MEMO1: variants seen among roughly 807,000 people sequenced by gnomAD.
MEMO1 encodes protein MEMO1.
A neutral mutation model predicts 45.2 loss-of-function variants in MEMO1; 6 were observed. The ratio of observed to expected loss-of-function variants is 0.13; its 90% CI spans 0.07 to 0.26. The LOEUF (loss-of-function observed/expected upper bound fraction) is 0.26. Among genes scored for constraint, MEMO1 ranks in the 10% least tolerant of loss-of-function variants. The pLI, the probability that MEMO1 is intolerant of heterozygous loss-of-function variation, is 1.00. For synonymous variants in MEMO1, 78 were observed against 124.3 expected (o/e 0.63, Z 2.48); for missense variants, 184 against 370.5 (o/e 0.50, Z 4.13).
intron 8 of MEMO1, among the ~76,000 whole-genome samples, chr2:31,873,476 G>A (rs1307814613): frequency 6.6e-6 from 1 of 152,016 alleles, no homozygotes; most frequent in Non-Finnish European, 1.5e-5. Context: ...AACTAAATAG[G>A]CAGTATTAAC....
chr2:31,977,588 A>T (rs1425218516), intron 2 of MEMO1, among the ~76,000 whole-genome samples: 1 of 152,114 alleles, frequency 6.6e-6, no homozygotes, highest in East Asian at 1.9e-4. Flanking sequence ...ATCTCAGCTC[A>T]CCACAACCTC....
chr2:31,896,112 G>A (rs1274483332), intron 6 of MEMO1, among the ~76,000 whole-genome samples: 2 of 151,998 alleles, frequency 1.3e-5, no homozygotes, highest in Non-Finnish European at 2.9e-5. Context: ...CAAAGTGCTG[G>A]GATTACAGGC....
chr2:31,907,690 C>T (rs554597272), intron 6 of MEMO1, among the ~76,000 whole-genome samples: 1 of 151,784 alleles, frequency 6.6e-6, no homozygotes, highest in East Asian at 1.9e-4. Context: ...CTATTTGGAA[C>T]GCTGAGGTAG....
At chr2:31,917,740 G>C (rs966658830) in intron 6 of MEMO1, among the ~76,000 whole-genome samples, 186 bp downstream of exon 6, 1 of 152,110 alleles carries the variant, frequency 6.6e-6, no homozygotes, top group Non-Finnish European at 1.5e-5. Flanking sequence ...ATGTCAATTC[G>C]TATGTTCAGC....
chr2:31,992,435 T>C (rs752948559), intron 2 of MEMO1, among the ~76,000 whole-genome samples: 25 of 152,170 alleles, frequency 1.6e-4, no homozygotes, highest in African/African-American at 3.6e-4. Context: ...TGGGTTCATA[T>C]CTCAAATCTC....
intron 7 of MEMO1, among the ~76,000 whole-genome samples, chr2:31,886,256 G>A (rs1558477334): frequency 6.6e-6 from 1 of 152,140 alleles, no homozygotes. Context: ...TATTTTAGTT[G>A]CAACAGCTCA....
intron 2 of MEMO1, among the ~76,000 whole-genome samples, chr2:31,993,995 C>A (rs1229272830): frequency 9.7e-6 from 1 of 103,426 alleles, no homozygotes; most frequent in African/African-American, 3.8e-5. Flanking sequence ...GAGTCTTGCT[C>A]TGTCGCCCAG....
intron 9 of MEMO1, among the ~76,000 whole-genome samples, chr2:31,868,715 A>G (rs1348542714): frequency 1.3e-5 from 2 of 152,200 alleles, no homozygotes; most frequent in African/African-American, 2.4e-5. Flanking sequence ...ATAATTAAGT[A>G]TCAGTCATCA....
At chr2:31,978,542 C>A (rs556758329) in intron 2 of MEMO1, among the ~76,000 whole-genome samples, 48 of 152,342 alleles carry the variant, frequency 3.2e-4, no homozygotes, top group Middle Eastern at 3.4e-3. Flanking sequence ...ACACAATCCT[C>A]CCACCTCGGC....
At chr2:31,970,634 CAAAA>C (rs1403884555) in intron 2 of MEMO1, among the ~76,000 whole-genome samples, 1 of 130,814 alleles carries the variant, frequency 7.6e-6, no homozygotes, top group African/African-American at 2.8e-5. Flanking sequence ...CAGGATGAAG[CAAAA>C]AAAAAAAAGC....
At chr2:31,975,317 C>G (rs1388767115) in intron 2 of MEMO1, among the ~76,000 whole-genome samples, 1 of 152,218 alleles carries the variant, frequency 6.6e-6, no homozygotes, top group Non-Finnish European at 1.5e-5. Flanking sequence ...TATGCATTCT[C>G]CTGAGACAAA....
At chr2:31,901,983 TG>T (rs1448436485) in intron 6 of MEMO1, among the ~76,000 whole-genome samples, 1 of 151,780 alleles carries the variant, frequency 6.6e-6, no homozygotes, top group African/African-American at 2.4e-5. Context: ...AAAAAAACAT[TG>T]AGTTGAGACC....
rs757884120 is a variant in MEMO1, at chr2:31,917,991, C to T, written c.372G>A (p.Leu124=). 6.9e-5 allele frequency: 111 copies of T among 1,611,444 alleles called. No individual in the cohort carries two copies. Among genetic ancestry groups the T allele is most frequent in the Non-Finnish European group, 9.1e-5 (107 of 1,179,352 alleles). ...TACTGTGTTCATCTTCATCTGTCTG[C>T]AGAGACATGCGTTCAAACATTCCTG... The part of the protein sequence containing the change: ...WKTGMFERMS[L]QTDEDEHSIE... The change falls in exon 6 of 10, where the codon CTG becomes CTA. Residue 124 remains leucine, a synonymous_variant. Transcript: ENST00000404530.
intron 7 of MEMO1, among the ~76,000 whole-genome samples, chr2:31,886,287 T>A (rs778567134): frequency 1.3e-5 from 2 of 152,218 alleles, no homozygotes; most frequent in African/African-American, 2.4e-5. Context: ...TGGTAATTTT[T>A]AAAAATTATA....
chr2:31,928,500 T>A (rs571791725), intron 4 of MEMO1, among the ~76,000 whole-genome samples: 7 of 147,886 alleles, frequency 4.7e-5, no homozygotes, highest in African/African-American at 1.5e-4. Flanking sequence ...TGAGCCAAGA[T>A]TGCGCCACTA....
intron 2 of MEMO1, among the ~76,000 whole-genome samples, chr2:31,964,032 C>T (rs2148422294): frequency 6.6e-6 from 1 of 152,236 alleles, no homozygotes; most frequent in African/African-American, 2.4e-5. Flanking sequence ...CGTTTCTTTT[C>T]ACTTTTTAAA....
chr2:31,980,541 G>A (rs530958748), intron 2 of MEMO1, among the ~76,000 whole-genome samples: 1 of 151,876 alleles, frequency 6.6e-6, no homozygotes, highest in South Asian at 2.1e-4. Context: ...CAAATTACTT[G>A]AACTCTGTCA....
intron 2 of MEMO1, among the ~76,000 whole-genome samples, chr2:31,966,206 C>T (rs987128223): frequency 1.3e-4 from 20 of 152,146 alleles, no homozygotes; most frequent in African/African-American, 3.4e-4. Context: ...TTTCCAACTA[C>T]CATCCCTTCA....
At chr2:31,940,959 CTATAAT>C (rs749812817) in intron 3 of MEMO1, among the ~76,000 whole-genome samples, 2 of 152,164 alleles carry the variant, frequency 1.3e-5, no homozygotes, top group Non-Finnish European at 2.9e-5. Flanking sequence ...CATCTCTTTT[CTATAAT>C]TATAATTGTA....
Sources: allele counts gnomAD v4.1 joint callset (sites outside exome capture counted in the v4.1 genomes callset), GRCh38; gene constraint gnomAD v4.1.1; transcripts MANE v1.5; gene names NCBI Gene and HGNC (gene_info 2026-07-23, HGNC 2026-07-21).